NEURL1: variants seen among roughly 807,000 people sequenced by gnomAD.
NEURL1 encodes neuralized E3 ubiquitin protein ligase 1, also known as E3 ubiquitin-protein ligase NEURL1.
Under a neutral mutation model 41.2 loss-of-function variants are expected in NEURL1, and 26 were observed. That is an observed-to-expected ratio of 0.63 (90% CI 0.46 to 0.87). The LOEUF is 0.87. Ranked by LOEUF, NEURL1 falls within the 40% of genes least tolerant of loss-of-function variation. The pLI is 0.00. For synonymous variants in NEURL1, 400 were observed against 402.3 expected (o/e 0.99, Z 0.07); for missense variants, 761 against 871.1 (o/e 0.87, Z 1.59).
chr10:103,551,863 C>T (rs1054081468), intron 1 of NEURL1, among the ~76,000 whole-genome samples: 3 of 152,182 alleles, frequency 2.0e-5, no homozygotes, highest in African/African-American at 7.2e-5. Context: ...CGGGCCACCT[C>T]CCAGTTCTCT....
Position 103,503,788 on chromosome 10 carries a change from C to CTTTTTTTTTTTTTTTTTTTTTTT in NEURL1, c.85+9336_85+9337insTTTTTTTTTTTTTTTTTTTTTTT, listed in dbSNP as rs56098530. Among the ~76,000 whole-genome samples the CTTTTTTTTTTTTTTTTTTTTTTT allele has an allele frequency of 9.9e-5, 11 of 110,586 alleles. 5 individuals carry two copies. Among genetic ancestry groups the CTTTTTTTTTTTTTTTTTTTTTTT allele is most frequent in the Non-Finnish European group, 1.9e-4 (11 of 57,744 alleles). The allele number at this position is 110,586 out of a possible 152,430, so 72.5% of individuals were successfully genotyped here. ...AGAGCTCATGCTGTGCTCCCCCTGG[C>CTTTTTTTTTTTTTTTTTTTTTTT]TTTTTTTTTTTTTTTTTTTTGAGAC... On this transcript the variant is annotated intron_variant, in intron 1 of 5. Coordinates refer to ENST00000369780, the MANE Select transcript of NEURL1 (RefSeq NM_004210.5).
chr10:103,538,603 G>A (rs2034748216), intron 1 of NEURL1, among the ~76,000 whole-genome samples: 1 of 150,722 alleles, frequency 6.6e-6, no homozygotes, highest in African/African-American at 2.4e-5. Context: ...CCAACCACCT[G>A]CTACCCACTG....
chr10:103,588,987 G>C, intron 4 of NEURL1: 1 of 438,638 alleles, frequency 2.3e-6, no homozygotes, highest in South Asian at 1.6e-5. Flanking sequence ...GACGGAAGGA[G>C]GAAGGAGGGG....
chr10:103,510,511 G>A (rs146832624), intron 1 of NEURL1, among the ~76,000 whole-genome samples: 126 of 152,290 alleles, frequency 8.3e-4, no homozygotes, highest in Non-Finnish European at 1.5e-3. Context: ...TCTGTGGGGC[G>A]GGAGATGGGC....
At position 103,519,177 on chromosome 10, in the gene NEURL1, A is replaced by G. The variant is rs190084637; in HGVS notation, c.85+24705A>G. Among the ~76,000 whole-genome samples the G allele has an allele frequency of 3.2e-3, 490 of 152,188 alleles. 2 individuals are homozygous for G. The highest frequency in any genetic ancestry group is 0.01 in the African/African-American group (421 of 41,536). ...CAGGAGAATTGCTTGAACCTGGAAG[A>G]TGGAGGTTGCAGTGAGCCGAGATCG... On this transcript the variant is annotated intron_variant, in intron 1 of 5. Coordinates refer to ENST00000369780, the MANE Select transcript of NEURL1 (RefSeq NM_004210.5).
Position 103,585,185 on chromosome 10 carries a change from C to A in NEURL1, c.1299C>A (p.Leu433=). The A allele has an allele frequency of 6.3e-7, 1 of 1,581,332 alleles. No homozygotes were observed. ...CVDASQPLWM[L]FGLHGTITQI... ...ACGCCTCGCAGCCGCTTTGGATGCT[C>A]TTCGGCCTGCACGGGACCATCACGC... The change falls in exon 4 of 6, where the codon CTC becomes CTA. Residue 433 remains leucine, a synonymous_variant. Coordinates refer to ENST00000369780, the MANE Select transcript of NEURL1 (RefSeq NM_004210.5).
chr10:103,562,339 C>T (rs888539586), intron 1 of NEURL1, among the ~76,000 whole-genome samples: 8 of 152,276 alleles, frequency 5.3e-5, no homozygotes, highest in African/African-American at 1.4e-4. Flanking sequence ...GCCAAGATCA[C>T]GCCACGACTC....
In NEURL1 at chr10:103,589,448, C is replaced by A. The variant is rs528040254; in HGVS notation, c.1340-66C>A. 329 of 1,516,356 alleles carry A rather than the reference C, an allele frequency of 2.2e-4. 2 individuals are homozygous for A. The East Asian group carries it at 6.4e-3, about 29-fold the overall frequency. 93.9% of individuals were successfully genotyped at this position (1,516,356 alleles called of 1,614,324 possible). A position where few individuals can be genotyped will look rare whatever the true frequency, so the allele number is the denominator to read the frequency against. On this transcript the variant is annotated intron_variant, in intron 4 of 5. Coordinates refer to ENST00000369780, the MANE Select transcript of NEURL1 (RefSeq NM_004210.5). ...AGGCCTGGGAACCCACTGTGAGGGA[C>A]AGAGCTTTCTCCAGTTTGGCCTGGG...
At chr10:103,500,582 C>G (rs1031235110) in intron 1 of NEURL1, among the ~76,000 whole-genome samples, 9 of 152,188 alleles carry the variant, frequency 5.9e-5, no homozygotes, top group Admixed American at 1.3e-4. Context: ...GGAAAGGGCA[C>G]ACAATGGGGT....
chr10:103,567,914 C>A (rs1354656500), intron 1 of NEURL1, among the ~76,000 whole-genome samples: 1 of 152,172 alleles, frequency 6.6e-6, no homozygotes, highest in Non-Finnish European at 1.5e-5. Context: ...CAAATGACTG[C>A]CACTATTATT....
intron 1 of NEURL1, among the ~76,000 whole-genome samples, chr10:103,505,724 CT>C (rs1237600309): frequency 1.4e-5 from 2 of 140,262 alleles, no homozygotes; most frequent in Non-Finnish European, 1.6e-5. Flanking sequence ...CCCAGTTGAG[CT>C]GGGTATGGAG....
intron 1 of NEURL1, among the ~76,000 whole-genome samples, chr10:103,523,584 A>G (rs981397289): frequency 2.0e-5 from 3 of 152,004 alleles, no homozygotes; most frequent in Non-Finnish European, 2.9e-5. Context: ...CTGTAAACCA[A>G]CCTTTGGTTA....
intron 1 of NEURL1, among the ~76,000 whole-genome samples, chr10:103,527,288 CT>C (rs1272771211): frequency 3.8e-5 from 5 of 130,454 alleles, no homozygotes; most frequent in Non-Finnish European, 3.2e-5. Context: ...CACTTTTTTT[CT>C]TTTTTTTTTG....
At chr10:103,525,335 T>TTTTCTTTCTTTC (rs150432222) in intron 1 of NEURL1, among the ~76,000 whole-genome samples, 28 of 146,922 alleles carry the variant, frequency 1.9e-4, no homozygotes, top group East Asian at 1.0e-3. Context: ...GTGGAGTTTT[T>TTTTCTTTCTTTC]TTTCTTTCTT....
intron 1 of NEURL1, among the ~76,000 whole-genome samples, chr10:103,496,522 G>A (rs1027942574): frequency 6.6e-6 from 1 of 152,152 alleles, no homozygotes; most frequent in African/African-American, 2.4e-5. Context: ...ATATGGGATT[G>A]CATTTTTTCT....
At chr10:103,553,746 C>T (rs553104534) in intron 1 of NEURL1, among the ~76,000 whole-genome samples, 23 of 152,342 alleles carry the variant, frequency 1.5e-4, no homozygotes, top group African/African-American at 4.1e-4. Context: ...CCACCTTTCC[C>T]GTGGCCCCTT....
chr10:103,578,803 C>T (rs1466759987), intron 3 of NEURL1, among the ~76,000 whole-genome samples: 2 of 152,250 alleles, frequency 1.3e-5, no homozygotes, highest in East Asian at 3.9e-4. Flanking sequence ...GGGTGGAGAA[C>T]CCCCTTGCCT....
At chr10:103,506,856 C>T (rs752292164) in intron 1 of NEURL1, among the ~76,000 whole-genome samples, 34 of 152,316 alleles carry the variant, frequency 2.2e-4, no homozygotes, top group Non-Finnish European at 4.1e-4. Context: ...CCGCTGTGCC[C>T]GGCCCACTTC....
At chr10:103,580,033 C>T (rs1018013) in intron 3 of NEURL1, among the ~76,000 whole-genome samples, 27,379 of 152,114 alleles carry the variant, frequency 0.18, 2,665 homozygotes, top group South Asian at 0.26. Flanking sequence ...CAGTTCCTGG[C>T]TCCTCCCTCT....
Sources: allele counts gnomAD v4.1 joint callset (sites outside exome capture counted in the v4.1 genomes callset), GRCh38; gene constraint gnomAD v4.1.1; transcripts MANE v1.5; gene names NCBI Gene and HGNC (gene_info 2026-07-23, HGNC 2026-07-21).